Variants in CALML4 observed in about 807,000 individuals in gnomAD.
The protein encoded by CALML4 is calmodulin like 4, also known as calmodulin-like protein 4.
In CALML4, 16 loss-of-function variants were observed where a neutral mutation model predicts 17.9. The observed-to-expected ratio is 0.89, with a 90% CI of 0.61 to 1.36. The LOEUF (loss-of-function observed/expected upper bound fraction) is 1.36, where lower values mean the gene tolerates loss of function less well. Ranked by LOEUF, CALML4 falls within the 40% of genes most tolerant of loss-of-function variation. The pLI is 0.00. For synonymous variants in CALML4, 86 were observed against 71.5 expected (o/e 1.20, Z -1.02); for missense variants, 203 against 194.8 (o/e 1.04, Z -0.25).
chr15:68,202,807 CTTTT>C (rs35057668), intron 2 of CALML4, among the ~76,000 whole-genome samples: 22 of 95,034 alleles, frequency 2.3e-4, no homozygotes, highest in African/African-American at 1.0e-3. Context: ...CCATGACCGG[CTTTT>C]TTTTTTTTTT....
chr15:68,205,692 AG>A, upstream of CALML4: 1 of 342,648 alleles, frequency 2.9e-6, no homozygotes, highest in Non-Finnish European at 5.6e-6. The surrounding 1 kb of genome is among the most constrained non-coding windows in gnomAD (Gnocchi z 4.8). Context: ...TGTAGGAGGA[AG>A]GGAACCCTTC....
rs1204908830 is a variant in CALML4, at chr15:68,197,694, T to G, written c.176-66A>C. On this transcript the variant is annotated intron_variant, in intron 3 of 4. Transcript: ENST00000467889. This position sits in a 1 kb window ranked among gnomAD's most constrained non-coding sequence, Gnocchi z 4.1. ...AAGACTCCTAGGAAGCCAGCTGGCC[T>G]CCTGCTGGACCTGCACAGCCGGTTC... 8 of 1,475,844 alleles carry G rather than the reference T, an allele frequency of 5.4e-6. No individual in the cohort carries two copies. The highest frequency in any genetic ancestry group is 2.8e-5 in the African/African-American group (2 of 71,502). The allele number at this position is 1,475,844 out of a possible 1,614,324, so 91.4% of individuals were successfully genotyped here.
In CALML4 at chr15:68,205,122, A is replaced by G; in HGVS notation, c.33T>C (p.Asn11=). Residue 11 remains asparagine (N), a splice_region_variant and synonymous_variant, in exon 2 of 5, where the codon AAT becomes AAC. Coordinates refer to ENST00000467889, the MANE Select transcript of CALML4 (RefSeq NM_033429.3). This position sits in a 1 kb window ranked among gnomAD's most constrained non-coding sequence, Gnocchi z 4.8. MAKFLSQDQI[N]EYKECFSLYD... The stretch of plus-strand genomic sequence containing the variant: ...AATCAAAGAACAAACCCAACCTACC[A>G]TTAATTTGGTCTTGGGAAAGAAACT... The G allele has an allele frequency of 1.2e-6, 2 of 1,614,044 alleles. No individual in the cohort carries two copies. Among genetic ancestry groups the G allele is most frequent in the Non-Finnish European group, 1.7e-6 (2 of 1,179,990 alleles).
Position 68,197,003 on chromosome 15 carries a change from G to A in CALML4, c.364+437C>T, listed in dbSNP as rs944454061. On this transcript the variant is annotated intron_variant, in intron 4 of 4. Coordinates refer to ENST00000467889, the MANE Select transcript of CALML4 (RefSeq NM_033429.3). The surrounding 1 kb of genome is among the most constrained non-coding windows in gnomAD (Gnocchi z 4.1). ...GCAGACTGCTGTGATGGGAAAAAGG[G>A]CAGGGATGTCTAGACCTGCCTTCGC... Among the ~76,000 whole-genome samples, 1 of 152,184 alleles carries A rather than the reference G, an allele frequency of 6.6e-6. No homozygotes were observed. The highest frequency in any genetic ancestry group is 1.5e-5 in the Non-Finnish European group (1 of 68,026).
chr15:68,193,192 C>T lies in CALML4; in HGVS notation c.*823G>A, dbSNP rs889680863. The stretch of plus-strand genomic sequence containing the variant: ...AACCTCTCTGCCTGTTAACAGAGCC[C>T]AGGGAACAGCTCGGAATTCTCACAG... On this transcript the variant is annotated 3_prime_UTR_variant, in exon 5 of 5. Coordinates refer to ENST00000467889, the MANE Select transcript of CALML4 (RefSeq NM_033429.3). 1.3e-5 allele frequency: 2 copies of T among 152,372 alleles called. No individual in the cohort carries two copies. The highest frequency in any genetic ancestry group is 2.9e-5 in the Non-Finnish European group (2 of 68,172). The allele number at this position is 152,372 out of a possible 1,614,324, so 9.4% of individuals were successfully genotyped here. A position where few individuals can be genotyped will look rare whatever the true frequency, so the allele number is the denominator to read the frequency against.
chr15:68,205,793 G>A (rs539331804), upstream of CALML4: 182 of 201,604 alleles, frequency 9.0e-4, 1 homozygote, highest in African/African-American at 4.0e-3. The surrounding 1 kb of genome is among the most constrained non-coding windows in gnomAD (Gnocchi z 4.8). Flanking sequence ...TCTCAGGCTG[G>A]GATTCAGTCC....
chr15:68,205,151 C>A lies in CALML4; in HGVS notation c.4G>T (p.Ala2Ser). The stretch of plus-strand genomic sequence containing the variant: ...ATTTGGTCTTGGGAAAGAAACTTGG[C>A]CTGCAGCAGAGAAAGGAAAACAGTC... MAKFLSQDQINE... is the reference protein window; with the variant it reads MSKFLSQDQINE... Residue 2 changes from alanine to serine, a missense_variant and splice_region_variant, in exon 2 of 5, where the codon GCC becomes TCC. Transcript: ENST00000467889. This position sits in a 1 kb window ranked among gnomAD's most constrained non-coding sequence, Gnocchi z 4.8. 6.2e-7 allele frequency: 1 copy of A among 1,614,142 alleles called. No individual in the cohort carries two copies. The highest frequency in any genetic ancestry group is 8.5e-7 in the Non-Finnish European group (1 of 1,180,030).
At chr15:68,196,869 C>G (rs577482641) in intron 4 of CALML4, among the ~76,000 whole-genome samples, 1 of 152,226 alleles carries the variant, frequency 6.6e-6, no homozygotes. Context: ...CTCCAACTGT[C>G]CTGGCAAAGT....
intron 2 of CALML4, chr15:68,199,971 C>T (rs1005648113): frequency 9.0e-6 from 2 of 222,246 alleles, no homozygotes; most frequent in Non-Finnish European, 1.8e-5. Context: ...TCTAATTTAA[C>T]TGGGTGTCCT....
In CALML4 at chr15:68,197,300, T is replaced by G. The variant is rs1023482324; in HGVS notation, c.364+140A>C. The G allele has an allele frequency of 4.1e-6, 3 of 726,442 alleles. No individual in the cohort carries two copies. The highest frequency in any genetic ancestry group is 6.7e-6 in the Non-Finnish European group (3 of 444,586). 45.0% of individuals were successfully genotyped at this position (726,442 alleles called of 1,614,324 possible). A position where few individuals can be genotyped will look rare whatever the true frequency, so the allele number is the denominator to read the frequency against. ...GCTCCAGTCCAGCACCCACCTAGTG[T>G]GGCATCTGCTCACAGTCTCCTGCGC... On this transcript the variant is annotated intron_variant, in intron 4 of 4. Coordinates refer to ENST00000467889, the MANE Select transcript of CALML4 (RefSeq NM_033429.3). This position sits in a 1 kb window ranked among gnomAD's most constrained non-coding sequence, Gnocchi z 4.1.
In CALML4 at chr15:68,192,914, T is replaced by C. The variant is rs1381678833; in HGVS notation, c.*1101A>G. The C allele has an allele frequency of 6.6e-6, 1 of 152,218 alleles. No individual in the cohort carries two copies. Among genetic ancestry groups the C allele is most frequent in the Admixed American group, 6.5e-5 (1 of 15,280 alleles). The allele number at this position is 152,218 out of a possible 1,614,324, so 9.4% of individuals were successfully genotyped here. ...TTTAGGACTGTGCTGGCACTACGAATGATCCAGATTTGACAAGTGTATGGC... is the reference window on the plus strand; with the variant it reads ...TTTAGGACTGTGCTGGCACTACGAACGATCCAGATTTGACAAGTGTATGGC... On this transcript the variant is annotated 3_prime_UTR_variant, in exon 5 of 5. Coordinates refer to ENST00000467889, the MANE Select transcript of CALML4 (RefSeq NM_033429.3).
In CALML4 at chr15:68,196,693, CT is replaced by C. The variant is rs71961807; in HGVS notation, c.364+746del. On this transcript the variant is annotated intron_variant, in intron 4 of 4. Coordinates refer to ENST00000467889, the MANE Select transcript of CALML4 (RefSeq NM_033429.3). ...TGGAAGAACAAAGGCTGTAAATGGCCTTGGCGTGGGGATCCCCTTGACAGTG... is the reference window on the plus strand; with the variant it reads ...TGGAAGAACAAAGGCTGTAAATGGCCTGGCGTGGGGATCCCCTTGACAGTG... Among the ~76,000 whole-genome samples the C allele has an allele frequency of 5.4e-3, 821 of 152,270 alleles. 6 individuals are homozygous for C. The highest frequency in any genetic ancestry group is 0.018 in the African/African-American group (738 of 41,548).
At chr15:68,203,335 TG>T (rs2093171683) in intron 2 of CALML4, among the ~76,000 whole-genome samples, 1 of 152,178 alleles carries the variant, frequency 6.6e-6, no homozygotes, top group African/African-American at 2.4e-5. Flanking sequence ...CGCCAATGAG[TG>T]CGATTCTTTT....
At chr15:68,202,552 G>A (rs1595812912) in intron 2 of CALML4, among the ~76,000 whole-genome samples, 1 of 152,262 alleles carries the variant, frequency 6.6e-6, no homozygotes, top group East Asian at 1.9e-4. Context: ...GTTGAAATGA[G>A]CGGAGATCAT....
Position 68,194,018 on chromosome 15 carries a change from A to G in CALML4, c.459T>C (p.Tyr153=), listed in dbSNP as rs571894485. 50 of 1,612,670 alleles carry G rather than the reference A, an allele frequency of 3.1e-5. 1 individual carries two copies. Among genetic ancestry groups the G allele is most frequent in the South Asian group, 2.9e-4 (26 of 91,058 alleles). Residue 153 remains tyrosine (Y), a synonymous_variant, in exon 5 of 5, where the codon TAT becomes TAC. Transcript: ENST00000467889. ...IHKITLPGRD[Y] ...GAGGCTCTCCCATTCTCCTCCTTCA[A>G]TAGTCCCGTCCAGGAAGGGTGATCT...
At chr15:68,201,751 G>A (rs2093166122) in intron 2 of CALML4, among the ~76,000 whole-genome samples, 1 of 152,246 alleles carries the variant, frequency 6.6e-6, no homozygotes, top group Non-Finnish European at 1.5e-5. Flanking sequence ...CCCTGCCTCA[G>A]ACGCCTTTAA....
Position 68,197,600 on chromosome 15 carries a change from A to G in CALML4, c.204T>C (p.Thr68=). 2 of 1,614,098 alleles carry G rather than the reference A, an allele frequency of 1.2e-6. No individual in the cohort carries two copies. The highest frequency in any genetic ancestry group is 1.3e-5 in the African/African-American group (1 of 75,024). The change falls in exon 4 of 5, where the codon ACT becomes ACC. Residue 68 remains threonine, a synonymous_variant. Coordinates refer to ENST00000467889, the MANE Select transcript of CALML4 (RefSeq NM_033429.3). The surrounding 1 kb of genome is among the most constrained non-coding windows in gnomAD (Gnocchi z 4.1). ...TTTGCATGTGCATAATGGTCAGAAAAGTGGAGAAATCCAGCTCTCCATTTC... is the reference window on the plus strand; with the variant it reads ...TTTGCATGTGCATAATGGTCAGAAAGGTGGAGAAATCCAGCTCTCCATTTC... ...IDGNGELDFS[T]FLTIMHMQIK... is the part of the protein sequence containing the mutation.
At chr15:68,195,286 C>G (rs988061633) in intron 4 of CALML4, among the ~76,000 whole-genome samples, 8 of 152,312 alleles carry the variant, frequency 5.3e-5, no homozygotes, top group African/African-American at 1.7e-4. Context: ...AGAAAATATC[C>G]TGTGATTCTC....
chr15:68,191,836 A>T lies in CALML4; in HGVS notation c.*2179T>A, dbSNP rs1008628583. On this transcript the variant is annotated 3_prime_UTR_variant, in exon 5 of 5. Coordinates refer to ENST00000467889, the MANE Select transcript of CALML4 (RefSeq NM_033429.3). ...CAGCCCTTCCTCGGGTAGAGGTTTG[A>T]ATCAAACACTTAATAGGATCTTAGA... is the stretch of plus-strand genomic sequence containing the variant. 8 of 152,214 alleles carry T rather than the reference A, an allele frequency of 5.3e-5. No individual in the cohort carries two copies. The highest frequency in any genetic ancestry group is 1.9e-4 in the African/African-American group (8 of 41,446). The allele number at this position is 152,214 out of a possible 1,614,324, so 9.4% of individuals were successfully genotyped here.
Sources: gnomAD v4.1 joint callset for allele counts (sites outside exome capture counted in the v4.1 genomes callset) on GRCh38, gnomAD v4.1.1 for gene constraint, Gnocchi (gnomAD v3.1) non-coding constraint, MANE v1.5 for transcripts, NCBI Gene and HGNC (gene_info 2026-07-23, HGNC 2026-07-21) for gene names.